PRKAB2: variants seen among roughly 807,000 people sequenced by gnomAD.
The protein encoded by PRKAB2 is protein kinase AMP-activated non-catalytic subunit beta 2, also known as 5'-AMP-activated protein kinase subunit beta-2.
Under a neutral mutation model 29.8 loss-of-function variants are expected in PRKAB2, and 18 were observed. That is an observed-to-expected ratio of 0.60 (90% CI 0.42 to 0.89). The LOEUF is 0.89. PRKAB2 is among the 40% of genes least tolerant of loss of function. PRKAB2 has a pLI of 0.00. For synonymous variants in PRKAB2, 136 were observed against 125.9 expected (o/e 1.08, Z -0.54); for missense variants, 270 against 344.3 (o/e 0.78, Z 1.71).
Position 147,157,587 on chromosome 1 carries a change from T to G in PRKAB2, c.*1978A>C, listed in dbSNP as rs1387739414. On this transcript the variant is annotated 3_prime_UTR_variant, in exon 8 of 8. Transcript: ENST00000254101. ...ACACATACATATTACATTTCAATAC[T>G]GTTGACAAGAAATATAACAAACTTC... The G allele has an allele frequency of 6.6e-6, 1 of 152,196 alleles. No homozygotes were observed. Among genetic ancestry groups the G allele is most frequent in the Admixed American group, 6.5e-5 (1 of 15,282 alleles). The allele number at this position is 152,196 out of a possible 1,614,324, so 9.4% of individuals were successfully genotyped here.
intron 2 of PRKAB2, among the ~76,000 whole-genome samples, chr1:147,168,518 G>A (rs1052562525): frequency 1.3e-5 from 2 of 152,188 alleles, no homozygotes; most frequent in African/African-American, 2.4e-5. Flanking sequence ...CTTGAGAAGT[G>A]GCTATGAAAT....
intron 6 of PRKAB2, 100 bp downstream of exon 6, chr1:147,162,340 A>C: frequency 8.0e-7 from 1 of 1,254,616 alleles, no homozygotes; most frequent in Non-Finnish European, 1.1e-6. Flanking sequence ...TTATAATCTC[A>C]ACACACCTCT....
rs1283295786 is a variant in PRKAB2, at chr1:147,172,145, G to A, written c.-1C>T. 7 of 1,546,926 alleles carry A rather than the reference G, an allele frequency of 4.5e-6. No individual in the cohort carries two copies. The highest frequency in any genetic ancestry group is 6.1e-6 in the Non-Finnish European group (7 of 1,145,830). On this transcript the variant is annotated 5_prime_UTR_variant, in exon 2 of 8. Transcript: ENST00000254101. ...CCCGGTCGCTGGTGGTGTTTCCCAT[G>A]GCTGCAGCTCGTCGGGGACCACCTA...
rs781783519 is a variant in PRKAB2, at chr1:147,167,055, T to C, written c.324-116A>G. The C allele has an allele frequency of 2.5e-4, 211 of 829,092 alleles. No individual in the cohort carries two copies. The Middle Eastern group carries it at 5.5e-3, about 22-fold the overall frequency. The allele number at this position is 829,092 out of a possible 1,614,324, so 51.4% of individuals were successfully genotyped here. On this transcript the variant is annotated intron_variant, in intron 3 of 7. Coordinates refer to ENST00000254101, the MANE Select transcript of PRKAB2 (RefSeq NM_005399.5). ...AATTTCCCAGATTCCTAAGCCATTG[T>C]ATCCCCTGGTGTAAAAAACAACGTA...
At chr1:147,161,855 T>G in intron 6 of PRKAB2, 75 bp from the exon 7 acceptor site, 1 of 1,202,144 alleles carries the variant, frequency 8.3e-7, no homozygotes, top group Non-Finnish European at 1.2e-6. Flanking sequence ...AACAGCTTAC[T>G]CTTCCTCAGA....
intron 2 of PRKAB2, among the ~76,000 whole-genome samples, chr1:147,171,723 G>A (rs79842654): frequency 0.021 from 3,123 of 152,186 alleles, 105 homozygotes; most frequent in African/African-American, 0.07. Flanking sequence ...ATCGGGGATG[G>A]GGGGATGTCT....
chr1:147,162,464 A>C lies in PRKAB2; in HGVS notation c.648T>G (p.Ile216Met). ...PILPPHLLQV[I>M]LNKDTNISCD... ...CAGAAATATTAGTGTCTTTGTTAAG[A>C]ATAACTTGAAGTAGATGAGGAGGAA... is the stretch of plus-strand genomic sequence containing the variant. The change falls in exon 6 of 8, where the codon ATT becomes ATG. Residue 216 changes from isoleucine (I) to methionine (M), a missense_variant. By Grantham distance (10) the Ile-to-Met change is conservative (BLOSUM62 1). Around this residue, in one of 2 missense-constraint regions of PRKAB2, gnomAD observed 42 missense variants for 88.8 expected, o/e 0.47. Transcript: ENST00000254101. 6.2e-7 allele frequency: 1 copy of C among 1,612,612 alleles called. No individual in the cohort carries two copies. Among genetic ancestry groups the C allele is most frequent in the Non-Finnish European group, 8.5e-7 (1 of 1,178,762 alleles).
rs1308932871 is a variant in PRKAB2 at position 147,167,797 on chromosome 1, T to C, written c.293A>G (p.Asn98Ser). Residue 98 changes from asparagine (N) to serine (S), a missense_variant, in exon 3 of 8, where the codon AAT becomes AGT. Coordinates refer to ENST00000254101, the MANE Select transcript of PRKAB2 (RefSeq NM_005399.5). ...KEVFISGSFN[N>S]WSTKIPLIKS... The stretch of plus-strand genomic sequence containing the variant: ...AATCAGTGGAATCTTGGTGCTCCAA[T>C]TGTTGAAGGACCCAGAGATGAAGAC... The C allele has an allele frequency of 2.5e-6, 4 of 1,613,910 alleles. No individual in the cohort carries two copies. The highest frequency in any genetic ancestry group is 1.7e-5 in the Admixed American group (1 of 59,994).
chr1:147,172,033 C>A lies in PRKAB2; in HGVS notation c.112G>T (p.Gly38Trp). 6.3e-7 allele frequency: 1 copy of A among 1,595,094 alleles called. No homozygotes were observed. Among genetic ancestry groups the A allele is most frequent in the East Asian group, 2.3e-5 (1 of 43,436 alleles). The stretch of plus-strand genomic sequence containing the variant: ...AACACGCTGGGGTCGTCCGTACTCC[C>A]CACCATGATCTTGTGCTCCTTCCCC... ...APGKEHKIMV[G>W]STDDPSVFSL... is the part of the protein sequence containing the mutation. Residue 38 changes from glycine (G) to tryptophan (W), a missense_variant, in exon 2 of 8, where the codon GGG (glycine) becomes TGG (tryptophan). Around this residue, in one of 2 missense-constraint regions of PRKAB2, gnomAD observed 228 missense variants for 255.5 expected, o/e 0.89. Transcript: ENST00000254101.
At chr1:147,167,001 A>G (rs587715336) in intron 3 of PRKAB2, 62 bp from the exon 4 acceptor site, 8 of 1,346,756 alleles carry the variant, frequency 5.9e-6, no homozygotes, top group Non-Finnish European at 8.5e-6. Context: ...AATCTAAAAA[A>G]CAAGTGGCAA....
Position 147,161,792 on chromosome 1 carries a change from A to G in PRKAB2, c.673-12T>C, listed in dbSNP as rs1653976995. The G allele has an allele frequency of 6.3e-7, 1 of 1,590,290 alleles. No homozygotes were observed. The highest frequency in any genetic ancestry group is 1.4e-5 in the African/African-American group (1 of 73,730). On this transcript the variant is annotated splice_polypyrimidine_tract_variant and intron_variant, in intron 6 of 7. Coordinates refer to ENST00000254101, the MANE Select transcript of PRKAB2 (RefSeq NM_005399.5). ...AAGGCTGGGTCACACTAAGAGAAAG[A>G]GAAAAAAATTACTAAAAAAATTACT...
chr1:147,168,659 G>C (rs1654368244), intron 2 of PRKAB2, among the ~76,000 whole-genome samples: 1 of 152,164 alleles, frequency 6.6e-6, no homozygotes, highest in Admixed American at 6.5e-5. Context: ...ATCAAATGAG[G>C]TTTATGGGAT....
chr1:147,166,658 C>T (rs782312356), intron 4 of PRKAB2, 40 bp from the exon 5 acceptor site: 6 of 1,605,852 alleles, frequency 3.7e-6, no homozygotes, highest in Middle Eastern at 1.7e-4. Flanking sequence ...ATCTCTCTTT[C>T]AAATCCATCT....
intron 5 of PRKAB2, 48 bp from the exon 6 acceptor site, chr1:147,162,621 G>A: frequency 6.5e-7 from 1 of 1,534,110 alleles, no homozygotes; most frequent in Non-Finnish European, 8.9e-7. Context: ...GAATTAGCAA[G>A]AATGCATGGA....
At chr1:147,161,439 G>A (rs1653953772) in intron 7 of PRKAB2, among the ~76,000 whole-genome samples, 1 of 151,888 alleles carries the variant, frequency 6.6e-6, no homozygotes, top group Non-Finnish European at 1.5e-5. Flanking sequence ...ACAAACTTAA[G>A]TAAACAGTTA....
chr1:147,165,768 A>G (rs1334314374), intron 5 of PRKAB2, among the ~76,000 whole-genome samples: 2 of 151,862 alleles, frequency 1.3e-5, no homozygotes, highest in South Asian at 2.1e-4. Context: ...AATTTCAATT[A>G]CCTACAACAG....
chr1:147,166,424 T>TAC, intron 5 of PRKAB2, 74 bp downstream of exon 5: 1 of 1,511,592 alleles, frequency 6.6e-7, no homozygotes. Flanking sequence ...TATATGTATA[T>TAC]ACACACATAA....
At chr1:147,165,262 G>A (rs751845667) in intron 5 of PRKAB2, among the ~76,000 whole-genome samples, 25 of 152,146 alleles carry the variant, frequency 1.6e-4, no homozygotes, top group Non-Finnish European at 3.4e-4. Flanking sequence ...TCCTGACCTC[G>A]TCATCCACCC....
At position 147,172,108 on chromosome 1, in the gene PRKAB2, G is replaced by A; in HGVS notation, c.37C>T (p.Arg13Cys). 1 of 1,556,312 alleles carries A rather than the reference G, an allele frequency of 6.4e-7. No individual in the cohort carries two copies. The highest frequency in any genetic ancestry group is 8.7e-7 in the Non-Finnish European group (1 of 1,150,982). The change falls in exon 2 of 8, where the codon CGC (arginine) becomes TGC (cysteine). Residue 13 changes from arginine (R) to cysteine (C), a missense_variant. Transcript: ENST00000254101. ...GAGCGTGCAGCCTTGGCGCCGTGGC[G>A]CTCCCCGGACACCCGGTCGCTGGTG... ...NTTSDRVSGE[R>C]HGAKAARSEG...
Sources: gnomAD v4.1 joint callset for allele counts (sites outside exome capture counted in the v4.1 genomes callset) on GRCh38, gnomAD v4.1.1 for gene constraint, gnomAD v4.1.1 regional missense constraint, MANE v1.5 for transcripts, NCBI Gene and HGNC (gene_info 2026-07-23, HGNC 2026-07-21) for gene names.